The following LRRFIP2 variants were observed in gnomAD, a reference collection of about 807,000 sequenced individuals.
LRRFIP2 encodes leucine-rich repeat flightless-interacting protein 2.
In LRRFIP2, 109 loss-of-function variants were observed where a neutral mutation model predicts 125.9. That is an observed-to-expected ratio of 0.87 (90% CI 0.74 to 1.01). The LOEUF (loss-of-function observed/expected upper bound fraction) is 1.01, where lower values mean the gene tolerates loss of function less well. Among genes scored for constraint, LRRFIP2 ranks in the 50% least tolerant of loss-of-function variants. The probability of loss-of-function intolerance (pLI) is 0.00; values close to 1 mark genes in which losing one functional copy is unlikely to be tolerated. For synonymous variants in LRRFIP2, 291 were observed against 293.1 expected, an observed-to-expected ratio of 0.99 and a Z score of 0.07; for missense variants, 850 against 862.3, an observed-to-expected ratio of 0.99 and a Z score of 0.18.
intron 12 of LRRFIP2, 109 bp downstream of exon 12, chr3:37,108,528 T>C: frequency 2.3e-6 from 2 of 872,124 alleles, no homozygotes; most frequent in Non-Finnish European, 3.6e-6. Context: ...TAAATGACTT[T>C]TTCTTTGTAT....
chr3:37,116,929 A>G (rs1191512093), intron 6 of LRRFIP2, among the ~76,000 whole-genome samples: 2 of 152,170 alleles, frequency 1.3e-5, no homozygotes, highest in East Asian at 3.8e-4. Flanking sequence ...TCCTGAAACT[A>G]ACAGAAAACA....
At chr3:37,091,633 A>T in intron 17 of LRRFIP2, 95 bp from the exon 18 acceptor site, 1 of 836,090 alleles carries the variant, frequency 1.2e-6, no homozygotes, top group Non-Finnish European at 1.9e-6. Context: ...ACTTTTGTAT[A>T]TTCCAGACTA....
intron 25 of LRRFIP2, among the ~76,000 whole-genome samples, chr3:37,056,900 TCTTC>T (rs2087048610): frequency 6.6e-6 from 1 of 152,166 alleles, no homozygotes; most frequent in Non-Finnish European, 1.5e-5. Context: ...CAAATGTACT[TCTTC>T]CTTCTCACTC....
At chr3:37,175,569 G>A (rs336603), upstream of LRRFIP2, among the ~76,000 whole-genome samples, 152,156 of 152,328 alleles carry the variant, frequency 1, 75,992 homozygotes, top group Middle Eastern at 1. Flanking sequence ...ATAACGCCTC[G>A]TATTAGTCAA....
intron 16 of LRRFIP2, 118 bp downstream of exon 16, chr3:37,096,498 G>A (rs1029751952): frequency 7.4e-6 from 5 of 671,304 alleles, no homozygotes; most frequent in Non-Finnish European, 1.3e-5. Context: ...ACAGGAAATA[G>A]ATGAAGGGAG....
chr3:37,056,181 G>A (rs1018084471), intron 25 of LRRFIP2, among the ~76,000 whole-genome samples: 2 of 152,128 alleles, frequency 1.3e-5, no homozygotes, highest in Non-Finnish European at 2.9e-5. Context: ...GTTATGGGTA[G>A]AGCTATAAGT....
At position 37,076,642 on chromosome 3, in the gene LRRFIP2, G is replaced by A. The variant is rs575396006; in HGVS notation, c.1279-1526C>T. Among the ~76,000 whole-genome samples, 370 of 152,234 alleles carry A rather than the reference G, an allele frequency of 2.4e-3. 1 individual carries two copies. The highest frequency in any genetic ancestry group is 6.9e-3 in the African/African-American group (286 of 41,540). Reference sequence around the variant, plus strand: ...AGCACTTTGGGAGGCCGAGGTGGGCGGATCACCTGAGGTCGGGAGTTCGAG... The same window carrying A: ...AGCACTTTGGGAGGCCGAGGTGGGCAGATCACCTGAGGTCGGGAGTTCGAG... On this transcript the variant is annotated intron_variant, in intron 19 of 27. Transcript: ENST00000336686.
At chr3:37,054,180 T>C (rs755941077) in intron 27 of LRRFIP2, among the ~76,000 whole-genome samples, 1 of 152,192 alleles carries the variant, frequency 6.6e-6, no homozygotes, top group Non-Finnish European at 1.5e-5. Context: ...GTTGGAGAAA[T>C]AGACCTGATC....
At chr3:37,115,506 A>G (rs141775918) in intron 6 of LRRFIP2, among the ~76,000 whole-genome samples, 33 of 152,308 alleles carry the variant, frequency 2.2e-4, no homozygotes, top group African/African-American at 7.2e-4. Context: ...AAAATGGCAA[A>G]AGCAAAGGAT....
At chr3:37,137,781 C>T (rs1446198840) in intron 2 of LRRFIP2, among the ~76,000 whole-genome samples, 2 of 152,158 alleles carry the variant, frequency 1.3e-5, no homozygotes, top group South Asian at 2.1e-4. Flanking sequence ...TTGTCAGCAC[C>T]AAAACCAGAG....
chr3:37,065,420 G>C (rs1010526017), intron 23 of LRRFIP2: 1 of 372,760 alleles, frequency 2.7e-6, no homozygotes, highest in East Asian at 7.2e-5. Context: ...GTAAGCAGTG[G>C]AACATAAAAC....
At chr3:37,070,693 A>G (rs1294683574) in intron 21 of LRRFIP2, among the ~76,000 whole-genome samples, 1 of 152,118 alleles carries the variant, frequency 6.6e-6, no homozygotes, top group East Asian at 1.9e-4. Context: ...TCGTGCCACT[A>G]TACTCCAGCC....
chr3:37,112,376 A>G (rs114603573), intron 8 of LRRFIP2, among the ~76,000 whole-genome samples: 1,604 of 152,100 alleles, frequency 0.011, 38 homozygotes, highest in African/African-American at 0.036. Context: ...AGAAAAAGAA[A>G]AAAGAAGTGT....
intron 1 of LRRFIP2, among the ~76,000 whole-genome samples, chr3:37,167,337 AT>A (rs1037433599): frequency 6.6e-6 from 1 of 152,060 alleles, no homozygotes; most frequent in African/African-American, 2.4e-5. Flanking sequence ...AAAATAATCG[AT>A]TTTTTTGTGT....
intron 21 of LRRFIP2, among the ~76,000 whole-genome samples, chr3:37,071,851 A>G (rs970279490): frequency 6.6e-6 from 1 of 152,160 alleles, no homozygotes; most frequent in African/African-American, 2.4e-5. Flanking sequence ...TGGGACTGCC[A>G]ATCAAAGGCC....
intron 1 of LRRFIP2, among the ~76,000 whole-genome samples, chr3:37,155,489 T>C (rs1050527052): frequency 6.6e-6 from 1 of 152,130 alleles, no homozygotes; most frequent in Non-Finnish European, 1.5e-5. Context: ...ATGTATACAA[T>C]AAAAACAAAA....
chr3:37,118,360 G>A (rs1241627134), intron 6 of LRRFIP2, among the ~76,000 whole-genome samples: 1 of 152,132 alleles, frequency 6.6e-6, no homozygotes, highest in Non-Finnish European at 1.5e-5. Context: ...ACCGTGCCTG[G>A]CCAAGATCAC....
chr3:37,146,174 C>T (rs1053770479), intron 2 of LRRFIP2, among the ~76,000 whole-genome samples: 2 of 152,200 alleles, frequency 1.3e-5, no homozygotes, highest in African/African-American at 4.8e-5. Context: ...TGAAAGGAAA[C>T]ATTCTGGGTA....
At chr3:37,132,724 C>T (rs182630746) in intron 2 of LRRFIP2, among the ~76,000 whole-genome samples, 278 of 152,246 alleles carry the variant, frequency 1.8e-3, no homozygotes, top group African/African-American at 6.4e-3. Context: ...GAAATATATG[C>T]TCTATAACTT....
Sources: gnomAD v4.1 joint callset for allele counts (sites outside exome capture counted in the v4.1 genomes callset) on GRCh38, gnomAD v4.1.1 for gene constraint, MANE v1.5 for transcripts, NCBI Gene and HGNC (gene_info 2026-07-23, HGNC 2026-07-21) for gene names.